Variants in GMDS observed in about 807,000 individuals in gnomAD.
GMDS encodes GDP-mannose 4,6-dehydratase.
A neutral mutation model predicts 49.9 loss-of-function variants in GMDS; 20 were observed. That is an observed-to-expected ratio of 0.40 (90% CI 0.28 to 0.58). GMDS has a LOEUF of 0.58. GMDS is among the 20% of genes least tolerant of loss of function. The pLI, the probability that GMDS is intolerant of heterozygous loss-of-function variation, is 0.42. For synonymous variants in GMDS, 177 were observed against 178.6 expected (o/e 0.99, Z 0.07); for missense variants, 362 against 481.4 (o/e 0.75, Z 2.32).
chr6:1,866,551 G>A (rs1429189579), intron 7 of GMDS, among the ~76,000 whole-genome samples: 1 of 152,208 alleles, frequency 6.6e-6, no homozygotes, highest in Non-Finnish European at 1.5e-5. Flanking sequence ...CCAGTTCAAT[G>A]GGCCACTCTG....
At chr6:1,973,105 C>A (rs1002682834) in intron 4 of GMDS, among the ~76,000 whole-genome samples, 7 of 152,150 alleles carry the variant, frequency 4.6e-5, no homozygotes, top group African/African-American at 1.4e-4. Flanking sequence ...GATAAATAAG[C>A]TCTCATCAGC....
intron 1 of GMDS, among the ~76,000 whole-genome samples, chr6:2,195,057 G>T (rs1779220420): frequency 6.6e-6 from 1 of 152,126 alleles, no homozygotes; most frequent in South Asian, 2.1e-4. Flanking sequence ...TCCTTTCTGA[G>T]GTAATTATAC....
intron 9 of GMDS, among the ~76,000 whole-genome samples, chr6:1,718,041 G>T (rs75988365): frequency 0.019 from 2,866 of 152,214 alleles, 72 homozygotes; most frequent in African/African-American, 0.057. Flanking sequence ...GTTTGTGTAT[G>T]CTGTGAATTA....
At chr6:2,235,831 GAA>G (rs545858150) in intron 1 of GMDS, among the ~76,000 whole-genome samples, 1 of 129,730 alleles carries the variant, frequency 7.7e-6, no homozygotes, top group Admixed American at 7.8e-5. Context: ...AAAAAAATAA[GAA>G]AAAAAAAAAA....
intron 1 of GMDS, among the ~76,000 whole-genome samples, chr6:2,219,769 A>C (rs1780499400): frequency 6.6e-6 from 1 of 152,212 alleles, no homozygotes; most frequent in Non-Finnish European, 1.5e-5. Flanking sequence ...AGTATCATGA[A>C]TATTGCTCCT....
intron 4 of GMDS, among the ~76,000 whole-genome samples, chr6:2,031,604 T>C (rs1320343323): frequency 2.0e-5 from 3 of 152,012 alleles, no homozygotes; most frequent in Non-Finnish European, 4.4e-5. Context: ...TTTGAGTCCC[T>C]GGAAGAAAGT....
intron 7 of GMDS, among the ~76,000 whole-genome samples, chr6:1,912,090 G>A (rs1486813928): frequency 1.3e-5 from 2 of 152,168 alleles, no homozygotes; most frequent in East Asian, 3.8e-4. Flanking sequence ...TCTTGGCTGG[G>A]CATGGTGGCT....
intron 1 of GMDS, among the ~76,000 whole-genome samples, chr6:2,134,929 G>T (rs1436489567): frequency 6.6e-6 from 1 of 152,100 alleles, no homozygotes; most frequent in Non-Finnish European, 1.5e-5. Flanking sequence ...CTCTTTAGAT[G>T]TTTTTTCCCA....
intron 9 of GMDS, among the ~76,000 whole-genome samples, chr6:1,687,715 T>C (rs942599333): frequency 6.6e-6 from 1 of 152,070 alleles, no homozygotes; most frequent in Non-Finnish European, 1.5e-5. Flanking sequence ...CACGGAGGCT[T>C]CTCTGATGCA....
chr6:2,162,835 G>C (rs1213944484), intron 1 of GMDS, among the ~76,000 whole-genome samples: 2 of 152,082 alleles, frequency 1.3e-5, no homozygotes, highest in Admixed American at 1.3e-4. Context: ...CACCCACACT[G>C]CTTCCACAGG....
chr6:2,181,172 C>CT (rs1778506002), intron 1 of GMDS, among the ~76,000 whole-genome samples: 2 of 107,768 alleles, frequency 1.9e-5, no homozygotes, highest in South Asian at 6.7e-4. Flanking sequence ...GAGACTCCAT[C>CT]TCAAAAAAAA....
intron 7 of GMDS, among the ~76,000 whole-genome samples, chr6:1,924,172 T>A (rs1004073693): frequency 6.6e-6 from 1 of 152,256 alleles, no homozygotes; most frequent in Non-Finnish European, 1.5e-5. Context: ...TTCTGGCATA[T>A]AATAAGTGCT....
chr6:1,624,699 C>T, intron 9 of GMDS, 159 bp from the exon 10 acceptor site: 1 of 617,892 alleles, frequency 1.6e-6, no homozygotes, highest in Non-Finnish European at 2.9e-6. Flanking sequence ...AGTTGCGGCT[C>T]TCGGCGCCGT....
chr6:1,777,602 G>T (rs1219024950), intron 7 of GMDS, among the ~76,000 whole-genome samples: 1 of 152,186 alleles, frequency 6.6e-6, no homozygotes, highest in Non-Finnish European at 1.5e-5. Flanking sequence ...ATATTTCTAG[G>T]AAAAAGGAGA....
chr6:1,949,513 A>G (rs1243441578), intron 6 of GMDS, among the ~76,000 whole-genome samples: 3 of 152,206 alleles, frequency 2.0e-5, no homozygotes, highest in Non-Finnish European at 4.4e-5. Context: ...TCACCTCAGG[A>G]GATGGGAGGG....
At chr6:2,018,253 A>T (rs1405253192) in intron 4 of GMDS, among the ~76,000 whole-genome samples, 1 of 152,236 alleles carries the variant, frequency 6.6e-6, no homozygotes, top group Non-Finnish European at 1.5e-5. Flanking sequence ...CTATGACTCA[A>T]ATCGTATCTA....
intron 7 of GMDS, among the ~76,000 whole-genome samples, chr6:1,868,881 ATATT>A (rs1414824791): frequency 3.3e-5 from 5 of 152,358 alleles, no homozygotes; most frequent in South Asian, 2.1e-4. Context: ...TATGTTTAAA[ATATT>A]TATTTTAATG....
intron 7 of GMDS, among the ~76,000 whole-genome samples, chr6:1,816,197 G>A (rs1208625965): frequency 6.6e-6 from 1 of 152,156 alleles, no homozygotes; most frequent in African/African-American, 2.4e-5. Flanking sequence ...TATTCACTCG[G>A]TATTTATGAG....
chr6:1,915,058 G>A (rs965658035), intron 7 of GMDS, among the ~76,000 whole-genome samples: 13 of 152,222 alleles, frequency 8.5e-5, no homozygotes, highest in South Asian at 8.3e-4. Flanking sequence ...AGAGCAGCAC[G>A]GAGGCCTCGC....
Sources: allele counts gnomAD v4.1 joint callset (sites outside exome capture counted in the v4.1 genomes callset), GRCh38; gene constraint gnomAD v4.1.1; transcripts MANE v1.5; gene names NCBI Gene and HGNC (gene_info 2026-07-23, HGNC 2026-07-21).